Variants in ENTPD1 observed in about 807,000 individuals in gnomAD.
ENTPD1 encodes ATP diphosphohydrolase.
Under a neutral mutation model 57.0 loss-of-function variants are expected in ENTPD1, and 33 were observed. The observed-to-expected ratio is 0.58, with a 90% CI of 0.44 to 0.77. The LOEUF is 0.77. Ranked by LOEUF, ENTPD1 falls within the 30% of genes least tolerant of loss-of-function variation. ENTPD1 has a pLI of 0.00. For missense variants in ENTPD1, 501 were observed against 603.4 expected (o/e 0.83, Z 1.78); for synonymous variants, 202 against 218.8 (o/e 0.92, Z 0.68).
chr10:95,767,912 AG>A (rs922865263), intron 1 of ENTPD1, among the ~76,000 whole-genome samples: 1 of 152,224 alleles, frequency 6.6e-6, no homozygotes, highest in Non-Finnish European at 1.5e-5. Flanking sequence ...TTGGGTCATG[AG>A]GGCTCCACCC....
At chr10:95,864,944 G>A in intron 9 of ENTPD1, 83 bp downstream of exon 9, 1 of 1,501,858 alleles carries the variant, frequency 6.7e-7, no homozygotes, top group Non-Finnish European at 9.1e-7. Context: ...AAAAAGGGGG[G>A]AGTCAGCATG....
chr10:95,700,293 AAT>A, the ENTPD1 span, among the ~76,000 whole-genome samples: 18,719 of 152,194 alleles, frequency 0.12, 1,232 homozygotes, highest in Middle Eastern at 0.2. Flanking sequence ...ATAAATAGAA[AAT>A]ATGAGACACT....
intron 2 of ENTPD1, among the ~76,000 whole-genome samples, chr10:95,827,036 C>A (rs1018511538): frequency 4.0e-5 from 6 of 151,716 alleles, no homozygotes; most frequent in Non-Finnish European, 7.4e-5. Context: ...ATAAAACAAG[C>A]CAAATTTTAA....
rs2098479320 is a variant in ENTPD1 at position 95,870,604 on chromosome 10, G to A, written c.*4221G>A. 1 of 985,316 alleles carries A rather than the reference G, an allele frequency of 1.0e-6. No homozygotes were observed. Among genetic ancestry groups the A allele is most frequent in the African/African-American group, 1.7e-5 (1 of 57,244 alleles). 61.0% of individuals were successfully genotyped at this position (985,316 alleles called of 1,614,324 possible). ...AAGATGAATATTTTAATAGCTCACA[G>A]AACAAAGTTTGCCACATAATGATAA... On this transcript the variant is annotated 3_prime_UTR_variant, in exon 10 of 10. Transcript: ENST00000371205.
At chr10:95,723,658 G>T (rs1350254334) in intron 1 of ENTPD1, among the ~76,000 whole-genome samples, 1 of 152,130 alleles carries the variant, frequency 6.6e-6, no homozygotes. Flanking sequence ...AGGAGGTATG[G>T]GTCAGAAGGA....
upstream of ENTPD1, among the ~76,000 whole-genome samples, chr10:95,752,621 C>T (rs186411415): frequency 3.9e-5 from 6 of 152,114 alleles, no homozygotes; most frequent in East Asian, 1.9e-4. Flanking sequence ...GCTGAGATCG[C>T]GACATTGCAC....
chr10:95,708,445 C>A (rs189514479), upstream of ENTPD1, among the ~76,000 whole-genome samples: 505 of 152,298 alleles, frequency 3.3e-3, 2 homozygotes, highest in African/African-American at 0.012. Flanking sequence ...ATCTCCTGAC[C>A]TTGTGATCCG....
chr10:95,749,718 G>A (rs900809707), intron 1 of ENTPD1, among the ~76,000 whole-genome samples: 1 of 152,168 alleles, frequency 6.6e-6, no homozygotes, highest in African/African-American at 2.4e-5. Flanking sequence ...AGCTGAGGGA[G>A]CAAGAAGAGG....
chr10:95,845,345 ACT>A lies in ENTPD1; in HGVS notation c.574-11_574-10del, dbSNP rs1405412794. The A allele has an allele frequency of 3.7e-6, 6 of 1,614,046 alleles. No individual in the cohort carries two copies. Among genetic ancestry groups the A allele is most frequent in the Non-Finnish European group, 5.1e-6 (6 of 1,180,034 alleles). On this transcript the variant is annotated splice_polypyrimidine_tract_variant and intron_variant, in intron 5 of 9. Coordinates refer to ENST00000371205, the MANE Select transcript of ENTPD1 (RefSeq NM_001776.6). ...AGAGACTTCTAGCACTGGTAACTGT[ACT>A]GTCTTTCAGAAAACAAGGTGGTTCA...
At chr10:95,798,478 T>A (rs897616157) in intron 1 of ENTPD1, among the ~76,000 whole-genome samples, 2 of 152,162 alleles carry the variant, frequency 1.3e-5, no homozygotes, top group African/African-American at 4.8e-5. Flanking sequence ...AGAGAGGATG[T>A]GGCTTCACCC....
intron 1 of ENTPD1, among the ~76,000 whole-genome samples, chr10:95,777,238 C>G (rs888663653): frequency 2.6e-5 from 4 of 152,200 alleles, no homozygotes; most frequent in Non-Finnish European, 2.9e-5. Flanking sequence ...TTCTGCTTTT[C>G]TGCTCTGGTT....
In ENTPD1 at chr10:95,870,730, G is replaced by T; in HGVS notation, c.*4347G>T. ...CTCTCTGATTCAAATACCAATAGTT[G>T]CTCTGATTCAAATTCCAACTGTTAG... On this transcript the variant is annotated 3_prime_UTR_variant, in exon 10 of 10. Transcript: ENST00000371205. 6.1e-6 allele frequency: 6 copies of T among 985,436 alleles called. No individual in the cohort carries two copies. The South Asian group carries it at 2.3e-4, about 39-fold the overall frequency. 61.0% of individuals were successfully genotyped at this position (985,436 alleles called of 1,614,324 possible).
rs2098483967 is a variant in ENTPD1 at position 95,874,641 on chromosome 10, G to T, written c.*8258G>T. Among the ~76,000 whole-genome samples the T allele has an allele frequency of 6.6e-6, 1 of 152,226 alleles. No individual in the cohort carries two copies. The highest frequency in any genetic ancestry group is 2.1e-4 in the South Asian group (1 of 4,830). ...CTCCACTAGGCAGTGCCCCAACAGG[G>T]ACTCTGTGTGGGGGCTCTGCCCCAC... is the stretch of plus-strand genomic sequence containing the variant. On this transcript the variant is annotated 3_prime_UTR_variant, in exon 10 of 10. Coordinates refer to ENST00000371205, the MANE Select transcript of ENTPD1 (RefSeq NM_001776.6).
chr10:95,724,083 A>T (rs2097980853), intron 1 of ENTPD1, among the ~76,000 whole-genome samples: 1 of 147,352 alleles, frequency 6.8e-6, no homozygotes, highest in African/African-American at 2.5e-5. Flanking sequence ...AATGGTGTGA[A>T]CCCAGGAGGT....
intron 1 of ENTPD1, among the ~76,000 whole-genome samples, chr10:95,784,413 C>G (rs889571429): frequency 6.6e-5 from 10 of 152,168 alleles, no homozygotes; most frequent in African/African-American, 2.2e-4. Context: ...ACTGTTTGCC[C>G]TAGCCAAGCT....
chr10:95,787,309 A>G (rs1297680511), intron 1 of ENTPD1, among the ~76,000 whole-genome samples: 1 of 152,242 alleles, frequency 6.6e-6, no homozygotes, highest in East Asian at 1.9e-4. Flanking sequence ...GTTAAAATAG[A>G]CATGCTTCTT....
At chr10:95,850,085 A>G (rs548137519) in intron 7 of ENTPD1, among the ~76,000 whole-genome samples, 50 of 152,298 alleles carry the variant, frequency 3.3e-4, no homozygotes, top group African/African-American at 9.6e-4. Flanking sequence ...GATTCATCCA[A>G]CCAAAGCAGG....
chr10:95,780,819 A>G (rs933160840), intron 1 of ENTPD1, among the ~76,000 whole-genome samples: 31 of 152,216 alleles, frequency 2.0e-4, no homozygotes, highest in African/African-American at 7.5e-4. Context: ...TCTTAGCACC[A>G]TGGAGACAGG....
chr10:95,873,223 C>G lies in ENTPD1; in HGVS notation c.*6840C>G. 1.0e-6 allele frequency: 1 copy of G among 985,382 alleles called. No homozygotes were observed. Among genetic ancestry groups the G allele is most frequent in the Non-Finnish European group, 1.2e-6 (1 of 829,918 alleles). 61.0% of individuals were successfully genotyped at this position (985,382 alleles called of 1,614,324 possible). ...TTCCAAAGAGTTTCTTTTACAGGCT[C>G]TCAGATCAGTGTTCATCCACTACCT... On this transcript the variant is annotated 3_prime_UTR_variant, in exon 10 of 10. Coordinates refer to ENST00000371205, the MANE Select transcript of ENTPD1 (RefSeq NM_001776.6).
Sources: allele counts gnomAD v4.1 joint callset (sites outside exome capture counted in the v4.1 genomes callset), GRCh38; gene constraint gnomAD v4.1.1; transcripts MANE v1.5; gene names NCBI Gene and HGNC (gene_info 2026-07-23, HGNC 2026-07-21).